Variants in SP100 observed in about 807,000 individuals in gnomAD.
The protein encoded by SP100 is nuclear autoantigen Sp-100.
SP100 carries 84 observed loss-of-function variants against 130.0 expected under a neutral mutation model. The observed-to-expected ratio is 0.65, with a 90% CI of 0.54 to 0.77. The LOEUF (loss-of-function observed/expected upper bound fraction) is 0.77, where lower values mean the gene tolerates loss of function less well. Ranked by LOEUF, SP100 falls within the 30% of genes least tolerant of loss-of-function variation. The probability of loss-of-function intolerance (pLI) is 0.00; values close to 1 mark genes in which losing one functional copy is unlikely to be tolerated. For synonymous variants in SP100, 331 were observed against 351.7 expected (o/e 0.94, Z 0.66); for missense variants, 978 against 1,052.2 (o/e 0.93, Z 0.97).
chr2:230,416,865 G>A, intron 1 of SP100: 1 of 985,472 alleles, frequency 1.0e-6, no homozygotes, highest in Non-Finnish European at 1.2e-6. Context: ...GAAGGAAAGG[G>A]AAGAAAAAGG....
intron 13 of SP100, 107 bp downstream of exon 13, chr2:230,467,322 A>C: frequency 1.3e-6 from 1 of 753,576 alleles, no homozygotes; most frequent in Middle Eastern, 2.7e-4. Flanking sequence ...AGTTCTCTGC[A>C]TCTACCTCAT....
chr2:230,442,226 C>A (rs2063497598), intron 2 of SP100, among the ~76,000 whole-genome samples: 1 of 152,062 alleles, frequency 6.6e-6, no homozygotes, highest in African/African-American at 2.4e-5. Flanking sequence ...AACTAAGAAC[C>A]AGAATTAGAG....
intron 2 of SP100, among the ~76,000 whole-genome samples, chr2:230,420,748 A>G (rs534084507): frequency 6.6e-6 from 1 of 152,300 alleles, no homozygotes; most frequent in Non-Finnish European, 1.5e-5. Flanking sequence ...ATATATATAT[A>G]TAGCTTAAAG....
chr2:230,449,221 C>A, intron 6 of SP100, 71 bp downstream of exon 6: 1 of 1,464,696 alleles, frequency 6.8e-7, no homozygotes, highest in East Asian at 2.3e-5. Context: ...TGTGGGGTTG[C>A]CTCTTTGTGT....
chr2:230,524,179 CAAAAAAAAA>C (rs71420292), intron 24 of SP100, among the ~76,000 whole-genome samples: 1 of 75,422 alleles, frequency 1.3e-5, no homozygotes. Flanking sequence ...ACTAAAAATA[CAAAAAAAAA>C]AAAAAAAAAA....
chr2:230,435,668 G>A (rs1219474013), intron 2 of SP100, among the ~76,000 whole-genome samples: 1 of 152,132 alleles, frequency 6.6e-6, no homozygotes, highest in African/African-American at 2.4e-5. Context: ...CATCACACAG[G>A]TGTTAAGACA....
chr2:230,474,423 T>C lies in SP100; in HGVS notation c.1576T>C (p.Leu526=), dbSNP rs2065430115. The change falls in exon 17 of 29, where the codon TTG becomes CTG. Residue 526 remains leucine, a synonymous_variant. Transcript: ENST00000340126. ...DTMDVENNST[L]EKHSGKRRKK... ...CATGGATGTTGAAAACAATTCTACT[T>C]TGGAAAAACACAGTGGGAAAAGAAG... 6.5e-7 allele frequency: 1 copy of C among 1,532,888 alleles called. No homozygotes were observed. The highest frequency in any genetic ancestry group is 1.4e-5 in the African/African-American group (1 of 72,946). The allele number at this position is 1,532,888 out of a possible 1,614,324, so 95.0% of individuals were successfully genotyped here.
chr2:230,468,077 AC>A (rs1304768164), intron 13 of SP100, among the ~76,000 whole-genome samples: 1 of 152,214 alleles, frequency 6.6e-6, no homozygotes, highest in African/African-American at 2.4e-5. Flanking sequence ...CATCTTTACA[AC>A]AACCTAAAAG....
chr2:230,448,193 GC>G (rs1395733066), intron 5 of SP100, among the ~76,000 whole-genome samples: 3 of 152,150 alleles, frequency 2.0e-5, no homozygotes, highest in African/African-American at 7.2e-5. Context: ...AAAGAGAAAG[GC>G]GGTCATGTAG....
intron 8 of SP100, among the ~76,000 whole-genome samples, chr2:230,460,356 C>T (rs182421020): frequency 3.9e-5 from 6 of 151,950 alleles, no homozygotes; most frequent in Admixed American, 3.9e-4. Flanking sequence ...AGTAAAATAT[C>T]CATACAATTT....
chr2:230,470,761 T>C (rs901222307), intron 15 of SP100, among the ~76,000 whole-genome samples: 1 of 152,204 alleles, frequency 6.6e-6, no homozygotes, highest in Non-Finnish European at 1.5e-5. Flanking sequence ...GGTGGGTGAC[T>C]GTTGTATGTA....
chr2:230,462,892 C>T (rs2064737395), intron 10 of SP100, among the ~76,000 whole-genome samples: 1 of 152,172 alleles, frequency 6.6e-6, no homozygotes, highest in South Asian at 2.1e-4. Flanking sequence ...ACTAAATATT[C>T]CTTTATGGGA....
intron 24 of SP100, among the ~76,000 whole-genome samples, chr2:230,530,610 A>G (rs551761512): frequency 1.3e-5 from 2 of 152,374 alleles, no homozygotes; most frequent in African/African-American, 4.8e-5. Flanking sequence ...GCTTCTGCAC[A>G]GCAAAAGAAC....
rs111900494 is a variant in SP100, at chr2:230,539,811, G to A, written c.2210+429G>A. On this transcript the variant is annotated intron_variant, in intron 25 of 28. Transcript: ENST00000340126. Reference sequence around the variant, plus strand: ...GGTCACAGGTCACATGTTGAGACCTGTGAATTCTGCAAGTGTGAGTCCCCT... The same window carrying A: ...GGTCACAGGTCACATGTTGAGACCTATGAATTCTGCAAGTGTGAGTCCCCT... 9.5e-3 allele frequency among the ~76,000 whole-genome samples: 1,447 copies of A among 152,268 alleles called. 28 individuals are homozygous for A. The highest frequency in any genetic ancestry group is 0.033 in the African/African-American group (1,371 of 41,562).
At chr2:230,471,813 TAA>T (rs1449204057) in intron 15 of SP100, among the ~76,000 whole-genome samples, 1 of 152,078 alleles carries the variant, frequency 6.6e-6, no homozygotes, top group Non-Finnish European at 1.5e-5. Context: ...TGAAAAGATA[TAA>T]GAGTCAGCTT....
At chr2:230,489,888 A>G (rs1210478666) in intron 17 of SP100, among the ~76,000 whole-genome samples, 1 of 152,130 alleles carries the variant, frequency 6.6e-6, no homozygotes, top group Non-Finnish European at 1.5e-5. Context: ...ACTATTTGTT[A>G]TGATTTCAGT....
At chr2:230,497,902 C>T (rs2066785674) in intron 18 of SP100, among the ~76,000 whole-genome samples, 1 of 152,160 alleles carries the variant, frequency 6.6e-6, no homozygotes, top group Admixed American at 6.5e-5. Context: ...TCAAAGCCTT[C>T]ATTGAGGGCT....
At chr2:230,455,946 A>G (rs1026653099) in intron 8 of SP100, among the ~76,000 whole-genome samples, 1 of 152,202 alleles carries the variant, frequency 6.6e-6, no homozygotes, top group Non-Finnish European at 1.5e-5. Flanking sequence ...CAAGTTTTAT[A>G]TAGTGTATAC....
rs1042635555 is a variant in SP100 at position 230,470,191 on chromosome 2, C to T, written c.1429+93C>T. The stretch of plus-strand genomic sequence containing the variant: ...TTCCAGACGCTTTTTATTCTGAGCA[C>T]CTTCACTACCTTGTATCCAGTTCAT... On this transcript the variant is annotated intron_variant, in intron 15 of 28. Transcript: ENST00000340126. The T allele has an allele frequency of 6.0e-6, 9 of 1,499,062 alleles. No individual in the cohort carries two copies. In the South Asian group the frequency reaches 6.5e-5, roughly 11 times the overall value. 92.9% of individuals were successfully genotyped at this position (1,499,062 alleles called of 1,614,324 possible).
Sources: gnomAD v4.1 joint callset for allele counts (sites outside exome capture counted in the v4.1 genomes callset) on GRCh38, gnomAD v4.1.1 for gene constraint, MANE v1.5 for transcripts, NCBI Gene and HGNC (gene_info 2026-07-23, HGNC 2026-07-21) for gene names.